Variants in PBX3 observed in about 807,000 individuals in gnomAD.
PBX3 encodes the protein PBX homeobox 3.
Under a neutral mutation model 48.5 loss-of-function variants are expected in PBX3, and 14 were observed. The ratio of observed to expected loss-of-function variants is 0.29; its 90% confidence interval spans 0.19 to 0.45. The LOEUF (loss-of-function observed/expected upper bound fraction) is 0.45, where lower values mean the gene tolerates loss of function less well. Ranked by LOEUF, PBX3 falls within the 20% of genes least tolerant of loss-of-function variation. The pLI, the probability that PBX3 is intolerant of heterozygous loss-of-function variation, is 1.00. For synonymous variants in PBX3, 210 were observed against 200.3 expected (o/e 1.05, Z -0.41); for missense variants, 386 against 546.7 (o/e 0.71, Z 2.93).
At chr9:125,874,760 A>G (rs1840209182) in intron 2 of PBX3, among the ~76,000 whole-genome samples, 1 of 152,176 alleles carries the variant, frequency 6.6e-6, no homozygotes, top group Non-Finnish European at 1.5e-5. Flanking sequence ...TGGTACAACT[A>G]TTGGAAAATA....
At chr9:125,873,419 G>A (rs1307906892) in intron 2 of PBX3, among the ~76,000 whole-genome samples, 1 of 152,118 alleles carries the variant, frequency 6.6e-6, no homozygotes, top group African/African-American at 2.4e-5. Flanking sequence ...TCAAGAATAT[G>A]TAGGAACACT....
intron 3 of PBX3, among the ~76,000 whole-genome samples, chr9:125,918,084 A>G (rs1281627703): frequency 1.3e-5 from 2 of 152,238 alleles, no homozygotes; most frequent in East Asian, 3.8e-4. Flanking sequence ...ACTACTTACT[A>G]GATAAACACT....
chr9:125,949,526 G>GTGTA, intron 5 of PBX3: 1 of 1,485,422 alleles, frequency 6.7e-7, no homozygotes, highest in Non-Finnish European at 9.0e-7. Context: ...GACCTATACT[G>GTGTA]TGTATATATA....
At chr9:125,899,384 T>C (rs1034125432) in intron 2 of PBX3, among the ~76,000 whole-genome samples, 2 of 134,094 alleles carry the variant, frequency 1.5e-5, no homozygotes, top group African/African-American at 5.3e-5. Flanking sequence ...TGTATATATT[T>C]TTATATAAAT....
At chr9:125,810,097 A>G (rs1018556450) in intron 2 of PBX3, among the ~76,000 whole-genome samples, 2 of 152,194 alleles carry the variant, frequency 1.3e-5, no homozygotes, top group African/African-American at 4.8e-5. Flanking sequence ...ACTGAGCCAC[A>G]TAGGAATATA....
chr9:125,922,485 A>C (rs1269523292), intron 3 of PBX3, among the ~76,000 whole-genome samples: 2 of 152,198 alleles, frequency 1.3e-5, no homozygotes, highest in Non-Finnish European at 2.9e-5. Flanking sequence ...AATTAACCAC[A>C]GTATATCTGT....
intron 2 of PBX3, among the ~76,000 whole-genome samples, chr9:125,869,245 G>A (rs1160373309): frequency 6.6e-6 from 1 of 152,068 alleles, no homozygotes; most frequent in African/African-American, 2.4e-5. Context: ...ACAACAAAGA[G>A]ATAGAAATAT....
At chr9:125,841,790 C>T (rs1334147711) in intron 2 of PBX3, among the ~76,000 whole-genome samples, 2 of 152,156 alleles carry the variant, frequency 1.3e-5, no homozygotes, top group Non-Finnish European at 2.9e-5. Flanking sequence ...AAGTTGATCT[C>T]TTAACTGTTC....
chr9:125,864,493 T>C (rs1839934122), intron 2 of PBX3, among the ~76,000 whole-genome samples: 1 of 152,232 alleles, frequency 6.6e-6, no homozygotes, highest in South Asian at 2.1e-4. Flanking sequence ...ATGAAATAAT[T>C]ACACAACTTA....
rs117152093 is a variant in PBX3 at position 125,846,863 on chromosome 9, T to C, written c.275-68823T>C. Among the ~76,000 whole-genome samples the C allele has an allele frequency of 3.1e-3, 476 of 152,150 alleles. 2 individuals are homozygous for C. The highest frequency in any genetic ancestry group is 4.6e-3 in the African/African-American group (190 of 41,556). On this transcript the variant is annotated intron_variant, in intron 2 of 8. Transcript: ENST00000373489. The stretch of plus-strand genomic sequence containing the variant: ...GTCTACTCATTGCAGTTGGTTGATA[T>C]ATCTTTTACGTCTTTTTAAATTTAA...
chr9:125,839,252 A>G (rs1241601106), intron 2 of PBX3, among the ~76,000 whole-genome samples: 2 of 152,232 alleles, frequency 1.3e-5, no homozygotes, highest in Non-Finnish European at 2.9e-5. Flanking sequence ...CTCAATAGAT[A>G]TGTTACTACT....
In PBX3 at chr9:125,929,842, C is replaced by T. The variant is rs1280344617; in HGVS notation, c.704C>T (p.Ala235Val). ...VMILRSRFLD[A>V]RRKRRNFSKQ... ...ATTTTAAGATCAAGGTTCCTTGATG[C>T]CAGGTATGTGAAGCCATAAATCTAT... is the stretch of plus-strand genomic sequence containing the variant. The change falls in exon 4 of 9, where the codon GCC becomes GTC. Residue 235 changes from alanine to valine, a missense_variant. By Grantham distance (64) the Ala-to-Val change is moderately conservative. Transcript: ENST00000373489. 6.2e-7 allele frequency: 1 copy of T among 1,605,796 alleles called. No homozygotes were observed. The highest frequency in any genetic ancestry group is 8.5e-7 in the Non-Finnish European group (1 of 1,172,822).
chr9:125,800,363 A>G (rs892083747), intron 2 of PBX3, among the ~76,000 whole-genome samples: 1 of 150,674 alleles, frequency 6.6e-6, no homozygotes, highest in African/African-American at 2.4e-5. Context: ...TCAGTGGTAT[A>G]TATTCTACTA....
At position 125,899,452 on chromosome 9, in the gene PBX3, T is replaced by G. The variant is rs866649831; in HGVS notation, c.275-16234T>G. Among the ~76,000 whole-genome samples the G allele has an allele frequency of 9.0e-3, 800 of 89,066 alleles. 19 individuals carry two copies. The highest frequency in any genetic ancestry group is 0.02 in the African/African-American group (489 of 24,300). 58.4% of individuals were successfully genotyped at this position (89,066 alleles called of 152,430 possible). A position where few individuals can be genotyped will look rare whatever the true frequency, so the allele number is the denominator to read the frequency against. On this transcript the variant is annotated intron_variant, in intron 2 of 8. Coordinates refer to ENST00000373489, the MANE Select transcript of PBX3 (RefSeq NM_006195.6). Reference sequence around the variant, plus strand: ...CTATATATATGTGTGTATATATATATATAGAGAGAGAGAGAGAGAGAGAGA... The same window carrying G: ...CTATATATATGTGTGTATATATATAGATAGAGAGAGAGAGAGAGAGAGAGA...
chr9:125,896,497 G>A (rs1013185014), intron 2 of PBX3, among the ~76,000 whole-genome samples: 5 of 151,994 alleles, frequency 3.3e-5, no homozygotes, highest in Admixed American at 3.3e-4. Flanking sequence ...CGCATATTGT[G>A]ATAATGTGAT....
chr9:125,773,482 A>G (rs1021225522), intron 2 of PBX3, among the ~76,000 whole-genome samples: 1 of 152,164 alleles, frequency 6.6e-6, no homozygotes, highest in Non-Finnish European at 1.5e-5. Context: ...ATTTAATTAC[A>G]TATTTAATTT....
intron 5 of PBX3, among the ~76,000 whole-genome samples, chr9:125,938,534 A>G (rs1017719696): frequency 1.3e-5 from 2 of 152,220 alleles, no homozygotes; most frequent in African/African-American, 4.8e-5. Flanking sequence ...ATTGGAATCA[A>G]CATCACCAAG....
chr9:125,839,406 T>A (rs1839226408), intron 2 of PBX3, among the ~76,000 whole-genome samples: 5 of 152,148 alleles, frequency 3.3e-5, no homozygotes, highest in Admixed American at 3.3e-4. Context: ...ATAGATTGAG[T>A]AAATGAATGT....
At chr9:125,769,049 T>A (rs1180478945) in intron 2 of PBX3, among the ~76,000 whole-genome samples, 1 of 152,198 alleles carries the variant, frequency 6.6e-6, no homozygotes, top group Non-Finnish European at 1.5e-5. Context: ...GCAGCCTAAG[T>A]GCTTTGTGGA....
Sources: gnomAD v4.1 joint callset for allele counts (sites outside exome capture counted in the v4.1 genomes callset) on GRCh38, gnomAD v4.1.1 for gene constraint, MANE v1.5 for transcripts, NCBI Gene and HGNC (gene_info 2026-07-23, HGNC 2026-07-21) for gene names.